Variants in IL23R observed in about 807,000 individuals in gnomAD.
The protein encoded by IL23R is interleukin 23 receptor.
A neutral mutation model predicts 56.9 loss-of-function variants in IL23R; 34 were observed. That is an observed-to-expected ratio of 0.60 (90% CI 0.45 to 0.80). IL23R has a LOEUF of 0.80. IL23R is among the 30% of genes least tolerant of loss of function. IL23R has a pLI of 0.00. For synonymous variants in IL23R, 230 were observed against 249.2 expected (o/e 0.92, Z 0.73); for missense variants, 635 against 730.0 (o/e 0.87, Z 1.50).
chr1:67,180,521 G>A (rs538784776), intron 3 of IL23R, among the ~76,000 whole-genome samples: 9 of 152,204 alleles, frequency 5.9e-5, no homozygotes, highest in Non-Finnish European at 8.8e-5. Context: ...GTCTCTGCAC[G>A]TGAGATGGGT....
chr1:67,140,639 A>G (rs908479431), intron 1 of IL23R, among the ~76,000 whole-genome samples: 1 of 152,224 alleles, frequency 6.6e-6, no homozygotes, highest in Non-Finnish European at 1.5e-5. Context: ...TAAAAAATGT[A>G]TTAATCTTTG....
At chr1:67,197,491 C>G (rs1463244713) in intron 4 of IL23R, among the ~76,000 whole-genome samples, 1 of 152,178 alleles carries the variant, frequency 6.6e-6, no homozygotes, top group Non-Finnish European at 1.5e-5. Flanking sequence ...AGTGAAAATA[C>G]TTCCATGTTA....
intron 7 of IL23R, among the ~76,000 whole-genome samples, chr1:67,228,363 C>CTTTTTTTTTTTTT (rs78083258): frequency 0.015 from 1,561 of 105,612 alleles, 11 homozygotes; most frequent in East Asian, 0.05. Context: ...TTTTTTCTTC[C>CTTTTTTTTTTTTT]TTTTTTTTTT....
rs201216439 is a variant in IL23R, at chr1:67,179,558, C to CA, written c.368-3270dup. Among the ~76,000 whole-genome samples the CA allele has an allele frequency of 1.1e-3, 173 of 150,824 alleles. No homozygotes were observed. The East Asian group carries it at 0.013, about 11-fold the overall frequency. On this transcript the variant is annotated intron_variant, in intron 3 of 10. Transcript: ENST00000347310. ...GGTCTATCAATTTTGTTGATTTTTT[C>CA]AAAAAAAACAGCTCCTGGATTCATT...
chr1:67,155,733 G>C lies in IL23R; in HGVS notation c.-633-12359G>C, dbSNP rs147765642. ...TTCTTAGCTTCTTTGCATTGGGTTA[G>C]AACATGCTCCTTTATCTTGGCAGTT... On this transcript the variant is annotated intron_variant, in intron 1 of 10. Coordinates refer to the IL23R transcript ENST00000637002. 2.9e-3 allele frequency among the ~76,000 whole-genome samples: 434 copies of C among 152,274 alleles called. 2 individuals are homozygous for C. Among genetic ancestry groups the C allele is most frequent in the African/African-American group, 0.01 (418 of 41,562 alleles).
At position 67,256,091 on chromosome 1, in the gene IL23R, TAAAAG is replaced by T. The variant is rs1333778005; in HGVS notation, c.1239+166_1239+170del. On this transcript the variant is annotated intron_variant, in intron 10 of 10. Coordinates refer to ENST00000347310, the MANE Select transcript of IL23R (RefSeq NM_144701.3). ...AACTGTACCTGTTTCAAATCATACT[TAAAAG>T]AGATGAGACAATAGAGTTGGGGGAA... is the stretch of plus-strand genomic sequence containing the variant. Among the ~76,000 whole-genome samples, 8 of 152,232 alleles carry T rather than the reference TAAAAG, an allele frequency of 5.3e-5. No individual in the cohort carries two copies. The East Asian group carries it at 7.7e-4, about 15-fold the overall frequency.
At chr1:67,190,178 A>G (rs1304063367) in intron 4 of IL23R, among the ~76,000 whole-genome samples, 1 of 152,190 alleles carries the variant, frequency 6.6e-6, no homozygotes, top group East Asian at 1.9e-4. Flanking sequence ...ATGTAGAGAG[A>G]AGCTTTTTAC....
At chr1:67,146,260 T>A (rs1213355240) in intron 1 of IL23R, among the ~76,000 whole-genome samples, 1 of 152,196 alleles carries the variant, frequency 6.6e-6, no homozygotes, top group Non-Finnish European at 1.5e-5. Context: ...AAAGTGATAA[T>A]TTTGTGGACT....
Position 67,230,770 on chromosome 1 carries a change from C to T in IL23R, c.956-5943C>T, listed in dbSNP as rs539687800. Among the ~76,000 whole-genome samples, 12 of 152,218 alleles carry T rather than the reference C, an allele frequency of 7.9e-5. No individual in the cohort carries two copies. In the South Asian group the frequency reaches 2.1e-3, roughly 26 times the overall value. ...TGGTAATGAGTTTGTTCTGACACAC[C>T]GTTTTCCCTGCCCTGGGCTTCTGGT... On this transcript the variant is annotated intron_variant, in intron 7 of 10. Coordinates refer to ENST00000347310, the MANE Select transcript of IL23R (RefSeq NM_144701.3).
intron 1 of IL23R, among the ~76,000 whole-genome samples, chr1:67,139,996 C>G (rs1277712439): frequency 6.6e-6 from 1 of 152,134 alleles, no homozygotes; most frequent in South Asian, 2.1e-4. Flanking sequence ...AGCATAACCC[C>G]CTCACCATGT....
chr1:67,159,874 G>A (rs901287462), intron 1 of IL23R, among the ~76,000 whole-genome samples: 7 of 152,166 alleles, frequency 4.6e-5, no homozygotes, highest in South Asian at 4.1e-4. Flanking sequence ...TCTGTACGAC[G>A]CATTAATTAC....
chr1:67,222,729 T>C (rs952090920), intron 7 of IL23R, among the ~76,000 whole-genome samples: 1 of 152,212 alleles, frequency 6.6e-6, no homozygotes, highest in African/African-American at 2.4e-5. Context: ...TACTAAATAG[T>C]ACATTGCTGG....
intron 1 of IL23R, among the ~76,000 whole-genome samples, chr1:67,154,037 G>A (rs941886130): frequency 6.6e-6 from 1 of 152,144 alleles, no homozygotes; most frequent in Non-Finnish European, 1.5e-5. Flanking sequence ...CAAAGTGCTG[G>A]GATTACAGGC....
chr1:67,234,630 C>T (rs1651340162), intron 7 of IL23R, among the ~76,000 whole-genome samples: 3 of 151,282 alleles, frequency 2.0e-5, no homozygotes, highest in Non-Finnish European at 4.4e-5. Context: ...AACAAAAATA[C>T]TACAGCAGCA....
intron 3 of IL23R, among the ~76,000 whole-genome samples, chr1:67,178,243 C>A (rs894834528): frequency 3.3e-5 from 5 of 152,084 alleles, no homozygotes; most frequent in African/African-American, 1.2e-4. Context: ...ATTCTTCCTC[C>A]CCATGAGCAT....
intron 3 of IL23R, among the ~76,000 whole-genome samples, chr1:67,180,684 C>G (rs1363520080): frequency 6.6e-6 from 1 of 152,158 alleles, no homozygotes; most frequent in Non-Finnish European, 1.5e-5. Flanking sequence ...GGTTATTTTG[C>G]TCATTAGTTG....
At chr1:67,221,353 A>AG (rs768632608) in intron 7 of IL23R, among the ~76,000 whole-genome samples, 76 of 152,320 alleles carry the variant, frequency 5.0e-4, no homozygotes, top group Admixed American at 1.2e-3. Flanking sequence ...TTCTCCTAAA[A>AG]GAGACACAAA....
intron 1 of IL23R, among the ~76,000 whole-genome samples, chr1:67,156,700 G>C (rs1279847918): frequency 1.3e-5 from 2 of 152,182 alleles, no homozygotes; most frequent in Admixed American, 1.3e-4. Context: ...CCAGACTGTT[G>C]TAATGGCAGT....
chr1:67,182,787 G>C (rs776270832), intron 3 of IL23R, 49 bp from the exon 4 acceptor site: 4 of 1,611,032 alleles, frequency 2.5e-6, no homozygotes, highest in Non-Finnish European at 3.4e-6. Context: ...TGGGACCAGA[G>C]AACTTCGTAT....
Sources: allele counts gnomAD v4.1 joint callset (sites outside exome capture counted in the v4.1 genomes callset), GRCh38; gene constraint gnomAD v4.1.1; transcripts MANE v1.5; gene names NCBI Gene and HGNC (gene_info 2026-07-23, HGNC 2026-07-21).